Variants in BICC1 observed in about 807,000 individuals in gnomAD.
BICC1 encodes BicC family RNA binding protein 1.
A neutral mutation model predicts 111.0 loss-of-function variants in BICC1; 43 were observed. The observed-to-expected ratio is 0.39, with a 90% confidence interval of 0.30 to 0.50. The LOEUF is 0.50. Ranked by LOEUF, BICC1 falls within the 20% of genes least tolerant of loss-of-function variation. BICC1 has a pLI of 0.88. For missense variants in BICC1, 1,091 were observed against 1,203.2 expected (o/e 0.91, Z 1.38); for synonymous variants, 467 against 434.4 (o/e 1.07, Z -0.93).
At chr10:58,709,681 G>C (rs1191868234) in intron 3 of BICC1, among the ~76,000 whole-genome samples, 1 of 152,226 alleles carries the variant, frequency 6.6e-6, no homozygotes, top group East Asian at 1.9e-4. Flanking sequence ...TGCCTTCCCA[G>C]ATGAGTGATA....
In BICC1 at chr10:58,789,879, C is replaced by A; in HGVS notation, c.993C>A (p.Thr331=). 2 of 1,614,082 alleles carry A rather than the reference C, an allele frequency of 1.2e-6. No individual in the cohort carries two copies. The highest frequency in any genetic ancestry group is 8.5e-7 in the Non-Finnish European group (1 of 1,179,988). Reference sequence around the variant, plus strand: ...CCAGTAATCCACAAAAGAAATCTACCGTCTACCTCCAGGGCACCATTGAGT... The same window carrying A: ...CCAGTAATCCACAAAAGAAATCTACAGTCTACCTCCAGGGCACCATTGAGT... ...PDPSNPQKKS[T]VYLQGTIESV... Residue 331 remains threonine (T), a synonymous_variant, in exon 8 of 21, where the codon ACC becomes ACA. Transcript: ENST00000373886.
chr10:58,649,225 G>T (rs1338488722), intron 2 of BICC1, among the ~76,000 whole-genome samples: 1 of 152,202 alleles, frequency 6.6e-6, no homozygotes, highest in African/African-American at 2.4e-5. Flanking sequence ...GAGGAGGCCA[G>T]AGTTTCTTTC....
chr10:58,811,884 C>T lies in BICC1; in HGVS notation c.2377-1946C>T, dbSNP rs369824986. On this transcript the variant is annotated intron_variant, in intron 17 of 20. Transcript: ENST00000373886. ...AGGCCAAGGGAACAACTGGCACGAT[C>T]ACCCCAGAGTCAGAACCAGCCGGTG... Among the ~76,000 whole-genome samples, 6 of 152,244 alleles carry T rather than the reference C, an allele frequency of 3.9e-5. No homozygotes were observed. In the South Asian group the frequency reaches 6.2e-4, roughly 16 times the overall value.
intron 1 of BICC1, among the ~76,000 whole-genome samples, chr10:58,590,006 G>T (rs1309615447): frequency 6.6e-6 from 1 of 151,988 alleles, no homozygotes; most frequent in South Asian, 2.1e-4. Flanking sequence ...CCTCACCCAT[G>T]TGTATTTATT....
chr10:58,536,042 T>C (rs1387242236), intron 1 of BICC1, among the ~76,000 whole-genome samples: 1 of 150,232 alleles, frequency 6.7e-6, no homozygotes, highest in East Asian at 1.9e-4. Context: ...ATTCTAAATA[T>C]ATATGCACCT....
At chr10:58,692,360 C>G (rs74694803) in intron 2 of BICC1, among the ~76,000 whole-genome samples, 2,025 of 152,248 alleles carry the variant, frequency 0.013, 19 homozygotes, top group Non-Finnish European at 0.022. Context: ...CTTAGTGAAG[C>G]ATGAAAGGTA....
At chr10:58,543,590 A>G (rs59461200) in intron 1 of BICC1, among the ~76,000 whole-genome samples, 1 of 151,956 alleles carries the variant, frequency 6.6e-6, no homozygotes, top group African/African-American at 2.4e-5. Flanking sequence ...GCTCACTGCA[A>G]CCTTGAACTC....
intron 1 of BICC1, among the ~76,000 whole-genome samples, chr10:58,539,936 C>G (rs1047852389): frequency 3.3e-5 from 5 of 151,666 alleles, no homozygotes; most frequent in Admixed American, 2.0e-4. Context: ...TCTTTTTAGA[C>G]CATATTGTAA....
chr10:58,614,275 G>C (rs1392925620), intron 1 of BICC1, among the ~76,000 whole-genome samples: 1 of 152,130 alleles, frequency 6.6e-6, no homozygotes, highest in Non-Finnish European at 1.5e-5. Flanking sequence ...GGAGTGAATT[G>C]AGTATGCTTC....
intron 14 of BICC1, among the ~76,000 whole-genome samples, chr10:58,802,405 A>G (rs1843576251): frequency 6.6e-6 from 1 of 152,226 alleles, no homozygotes; most frequent in Non-Finnish European, 1.5e-5. Context: ...TACTTGATTG[A>G]TATTGCAATC....
intron 3 of BICC1, among the ~76,000 whole-genome samples, chr10:58,767,836 CAGAG>C (rs553407902): frequency 3.6e-4 from 54 of 151,780 alleles, no homozygotes; most frequent in Non-Finnish European, 4.4e-5. Flanking sequence ...AAAAATGCAT[CAGAG>C]AGAGTCAACA....
At chr10:58,701,106 T>G (rs1840220879) in intron 2 of BICC1, among the ~76,000 whole-genome samples, 1 of 152,212 alleles carries the variant, frequency 6.6e-6, no homozygotes, top group Non-Finnish European at 1.5e-5. Context: ...TATTATTGAT[T>G]GCACCCTTGA....
intron 1 of BICC1, among the ~76,000 whole-genome samples, chr10:58,526,019 G>A (rs1842532391): frequency 6.6e-6 from 1 of 151,760 alleles, no homozygotes; most frequent in South Asian, 2.1e-4. Context: ...TGTATTCTGA[G>A]GAAGAAATTT....
At chr10:58,770,472 A>T (rs1394081679) in intron 3 of BICC1, among the ~76,000 whole-genome samples, 1 of 152,026 alleles carries the variant, frequency 6.6e-6, no homozygotes, top group African/African-American at 2.4e-5. Flanking sequence ...ATCAAATGTC[A>T]AATAGTATAA....
intron 1 of BICC1, among the ~76,000 whole-genome samples, chr10:58,616,939 G>A (rs1335293466): frequency 1.3e-5 from 2 of 152,180 alleles, no homozygotes; most frequent in African/African-American, 2.4e-5. Flanking sequence ...TTAAGATGGT[G>A]CGGCTGAGAC....
chr10:58,820,490 A>C, intron 20 of BICC1, 22 bp downstream of exon 20: 1 of 1,528,620 alleles, frequency 6.5e-7, no homozygotes, highest in Non-Finnish European at 9.1e-7. Flanking sequence ...TATTCAACTC[A>C]TATGTTAAAA....
chr10:58,830,383 T>C lies in BICC1; in HGVS notation c.*1492T>C, dbSNP rs1281735476. 1.3e-5 allele frequency: 2 copies of C among 152,176 alleles called. No homozygotes were observed. The highest frequency in any genetic ancestry group is 3.9e-4 in the East Asian group (2 of 5,190). 9.4% of individuals were successfully genotyped at this position (152,176 alleles called of 1,614,324 possible). A position where few individuals can be genotyped will look rare whatever the true frequency, so the allele number is the denominator to read the frequency against. On this transcript the variant is annotated 3_prime_UTR_variant, in exon 21 of 21. Transcript: ENST00000373886. ...TTTCCCATAGGAAATGTTGTCAAGT[T>C]ACCTGTACTGTAAAGAGTTATTTAT...
intron 17 of BICC1, among the ~76,000 whole-genome samples, chr10:58,808,695 T>C (rs1843793267): frequency 6.7e-6 from 1 of 149,464 alleles, no homozygotes; most frequent in African/African-American, 2.5e-5. Context: ...GTGTTGTCAG[T>C]TCTTAGTGAT....
At chr10:58,609,629 T>A (rs766340769) in intron 1 of BICC1, among the ~76,000 whole-genome samples, 39 of 152,210 alleles carry the variant, frequency 2.6e-4, no homozygotes, top group African/African-American at 9.4e-4. Context: ...TTTACATTCT[T>A]TTTTTACTAC....
Sources: gnomAD v4.1 joint callset for allele counts (sites outside exome capture counted in the v4.1 genomes callset) on GRCh38, gnomAD v4.1.1 for gene constraint, MANE v1.5 for transcripts, NCBI Gene and HGNC (gene_info 2026-07-23, HGNC 2026-07-21) for gene names.